The following TBC1D31 variants were observed in gnomAD, a reference collection of about 807,000 sequenced individuals.
TBC1D31 encodes the protein TBC1 domain family member 31.
In TBC1D31, 99 loss-of-function variants were observed where a neutral mutation model predicts 132.9. That is an observed-to-expected ratio of 0.74 (90% CI 0.63 to 0.88). The LOEUF is 0.88. Among genes scored for constraint, TBC1D31 ranks in the 40% least tolerant of loss-of-function variants. The pLI is 0.00. For missense variants in TBC1D31, 1,134 were observed against 1,256.6 expected, an observed-to-expected ratio of 0.90 and a Z score of 1.48; for synonymous variants, 385 against 419.4, an observed-to-expected ratio of 0.92 and a Z score of 1.00.
chr8:123,139,095 A>G (rs1586723526), intron 17 of TBC1D31, among the ~76,000 whole-genome samples: 1 of 149,972 alleles, frequency 6.7e-6, no homozygotes, highest in African/African-American at 2.5e-5. Flanking sequence ...CGTATAAGCC[A>G]CTATGCCTGG....
At chr8:123,081,899 G>A (rs1409102593) in intron 2 of TBC1D31, among the ~76,000 whole-genome samples, 1 of 152,116 alleles carries the variant, frequency 6.6e-6, no homozygotes, top group Admixed American at 6.5e-5. Context: ...GGGAATTATG[G>A]GAGCCACAAT....
chr8:123,116,669 A>T (rs756088392), intron 10 of TBC1D31, among the ~76,000 whole-genome samples: 18 of 152,230 alleles, frequency 1.2e-4, no homozygotes, highest in Non-Finnish European at 2.4e-4. Context: ...GTGTGGGGAA[A>T]ATACAAGATG....
chr8:123,099,109 T>G (rs186223602), intron 6 of TBC1D31, among the ~76,000 whole-genome samples: 18 of 152,136 alleles, frequency 1.2e-4, no homozygotes, highest in Admixed American at 5.9e-4. Context: ...TTTTTTTTTG[T>G]TTTGGTTTGG....
At chr8:123,130,362 C>T in intron 16 of TBC1D31, 29 bp downstream of exon 16, 1 of 1,585,774 alleles carries the variant, frequency 6.3e-7, no homozygotes, top group Non-Finnish European at 8.6e-7. Context: ...AGTTCTCATA[C>T]ATCATCTCCA....
Position 123,109,585 on chromosome 8 carries a change from C to T in TBC1D31, c.1401C>T (p.Pro467=). 6.2e-7 allele frequency: 1 copy of T among 1,613,706 alleles called. No homozygotes were observed. The highest frequency in any genetic ancestry group is 8.5e-7 in the Non-Finnish European group (1 of 1,179,896). ...TTCTCAACCTTCAGAAGAAATACCC[C>T]ATCAAAAGTAGGAAGCTACTCAGAG... ...VAFLNLQKKY[P]IKSRKLLRVL... is the part of the protein sequence containing the mutation. Residue 467 remains proline, a synonymous_variant, in exon 10 of 22, where the codon CCC becomes CCT. Coordinates refer to ENST00000287380, the MANE Select transcript of TBC1D31 (RefSeq NM_145647.4).
At position 123,084,175 on chromosome 8, in the gene TBC1D31, A is replaced by G. The variant is rs769513557; in HGVS notation, c.354A>G (p.Leu118=). 2.5e-6 allele frequency: 4 copies of G among 1,614,102 alleles called. No homozygotes were observed. In the East Asian group the frequency reaches 6.7e-5, roughly 27 times the overall value. ...IKCFDTVTKE[L]VSWMRGHESS... is the part of the protein sequence containing the mutation. ...TTTTTACCACAGTCACCAAGGAGCT[A>G]GTTAGCTGGATGAGAGGACATGAAT... The change falls in exon 4 of 22, where the codon CTA becomes CTG. Residue 118 remains leucine (L), a synonymous_variant. Transcript: ENST00000287380.
chr8:123,119,942 G>T, intron 10 of TBC1D31, 113 bp from the exon 11 acceptor site: 1 of 866,308 alleles, frequency 1.2e-6, no homozygotes, highest in East Asian at 2.7e-5. Flanking sequence ...TGAACTAGAT[G>T]ATAGGGGTAC....
chr8:123,117,894 C>CTCCA (rs1214994714), intron 10 of TBC1D31, among the ~76,000 whole-genome samples: 4 of 152,216 alleles, frequency 2.6e-5, no homozygotes, highest in African/African-American at 9.6e-5. Flanking sequence ...CACCACTACA[C>CTCCA]TCCAGCCTGG....
chr8:123,152,493 C>T (rs1164054797), downstream of TBC1D31, among the ~76,000 whole-genome samples: 1 of 152,186 alleles, frequency 6.6e-6, no homozygotes, highest in Non-Finnish European at 1.5e-5. Context: ...CCCTCCACTT[C>T]CTAGCTCCAG....
At chr8:123,144,675 A>G (rs1822013472) in intron 19 of TBC1D31, 42 bp from the exon 20 acceptor site, 4 of 1,572,446 alleles carry the variant, frequency 2.5e-6, no homozygotes, top group South Asian at 1.2e-5. Context: ...GTGTATTACT[A>G]TACTTTTTAT....
chr8:123,128,570 G>T (rs1343556150), intron 14 of TBC1D31, 57 bp downstream of exon 14: 5 of 1,113,724 alleles, frequency 4.5e-6, no homozygotes, highest in Admixed American at 2.4e-5. Flanking sequence ...ATAAACATAA[G>T]AAAGTTTTAA....
chr8:123,156,615 G>A (rs1197928465), downstream of TBC1D31, among the ~76,000 whole-genome samples: 1 of 152,174 alleles, frequency 6.6e-6, no homozygotes, highest in Non-Finnish European at 1.5e-5. Context: ...GAACGTAGCA[G>A]GTGAGGACCG....
At position 123,126,664 on chromosome 8, in the gene TBC1D31, T is replaced by C; in HGVS notation, c.1861T>C (p.Cys621Arg). 1 of 1,612,418 alleles carries C rather than the reference T, an allele frequency of 6.2e-7. No homozygotes were observed. The highest frequency in any genetic ancestry group is 8.5e-7 in the Non-Finnish European group (1 of 1,179,498). The change falls in exon 13 of 22, where the codon TGT (cysteine) becomes CGT (arginine). Residue 621 changes from cysteine (C) to arginine (R), a missense_variant. Transcript: ENST00000287380. ...ATGTTCTAGAACGCCTCTGCTCAGCTGTAATCTTAAAGATGACTTTGAGGT... is the reference window on the plus strand; with the variant it reads ...ATGTTCTAGAACGCCTCTGCTCAGCCGTAATCTTAAAGATGACTTTGAGGT... ...NICSRTPLLS[C>R]NLKDDFEFFF... is the part of the protein sequence containing the mutation.
chr8:123,128,939 A>G, intron 14 of TBC1D31, 127 bp from the exon 15 acceptor site: 1 of 624,740 alleles, frequency 1.6e-6, no homozygotes, highest in Middle Eastern at 3.7e-4. Flanking sequence ...AAGGCTAGAA[A>G]TATTAAAGAT....
chr8:123,152,770 CA>C (rs1213953774), downstream of TBC1D31, among the ~76,000 whole-genome samples: 2 of 152,038 alleles, frequency 1.3e-5, no homozygotes, highest in African/African-American at 2.4e-5. Flanking sequence ...ACTTGGAAGG[CA>C]GGGGGAGGGG....
chr8:123,145,222 C>T (rs1488941502), intron 20 of TBC1D31, among the ~76,000 whole-genome samples: 1 of 152,144 alleles, frequency 6.6e-6, no homozygotes, highest in African/African-American at 2.4e-5. Context: ...CTGTGCCTGG[C>T]CAGTGAATAA....
In TBC1D31 at chr8:123,097,316, A is replaced by C; in HGVS notation, c.706A>C (p.Asn236His). 1 of 1,614,172 alleles carries C rather than the reference A, an allele frequency of 6.2e-7. No individual in the cohort carries two copies. The highest frequency in any genetic ancestry group is 8.5e-7 in the Non-Finnish European group (1 of 1,180,028). Residue 236 changes from asparagine (N) to histidine (H), a missense_variant, in exon 6 of 22, where the codon AAT becomes CAT. Transcript: ENST00000287380. ...AATCCTGGCTGCTGGAGGCAAGTCA[A>C]ATCATCTTCATTTGTGGTGCTTGGA... ...GRILAAGGKS[N>H]HLHLWCLEAR... is the part of the protein sequence containing the mutation.
intron 2 of TBC1D31, among the ~76,000 whole-genome samples, chr8:123,080,150 A>T (rs1814983016): frequency 6.6e-6 from 1 of 152,236 alleles, no homozygotes. Context: ...TTAGTATGAG[A>T]TGTTATCAAC....
At position 123,134,209 on chromosome 8, in the gene TBC1D31, A is replaced by G; in HGVS notation, c.2499+3A>G. On this transcript the variant is annotated splice_donor_region_variant and intron_variant, in intron 17 of 21. Coordinates refer to ENST00000287380, the MANE Select transcript of TBC1D31 (RefSeq NM_145647.4). ...CACAAAAGAGACTTTATGAGAAGGT[A>G]TAATTCAGTTATTTCCAACATAAGA... is the stretch of plus-strand genomic sequence containing the variant. The G allele has an allele frequency of 1.2e-6, 2 of 1,612,272 alleles. No homozygotes were observed. The highest frequency in any genetic ancestry group is 1.7e-6 in the Non-Finnish European group (2 of 1,178,408).
Sources: gnomAD v4.1 joint callset for allele counts (sites outside exome capture counted in the v4.1 genomes callset) on GRCh38, gnomAD v4.1.1 for gene constraint, MANE v1.5 for transcripts, NCBI Gene and HGNC (gene_info 2026-07-23, HGNC 2026-07-21) for gene names.